DNAAF4: variants seen among roughly 807,000 people sequenced by gnomAD.
The protein encoded by DNAAF4 is dynein assembly factor 4, axonemal.
In DNAAF4, 43 loss-of-function variants were observed where a neutral mutation model predicts 51.8. The observed-to-expected ratio is 0.83, with a 90% CI of 0.65 to 1.07. The LOEUF (loss-of-function observed/expected upper bound fraction) is 1.07, where lower values mean the gene tolerates loss of function less well. Among genes scored for constraint, DNAAF4 ranks in the 50% least tolerant of loss-of-function variants. DNAAF4 has a pLI of 0.00. For synonymous variants in DNAAF4, 194 were observed against 165.6 expected, an observed-to-expected ratio of 1.17 and a Z score of -1.32; for missense variants, 581 against 493.0, an observed-to-expected ratio of 1.18 and a Z score of -1.69.
chr15:55,452,919 G>A (rs756586000), intron 5 of DNAAF4, among the ~76,000 whole-genome samples: 46 of 152,090 alleles, frequency 3.0e-4, no homozygotes, highest in Non-Finnish European at 5.3e-4. Context: ...AGGACCTCCC[G>A]GGTTCAAGCG....
At chr15:55,468,133 C>T (rs978648436) in intron 4 of DNAAF4, among the ~76,000 whole-genome samples, 6 of 152,180 alleles carry the variant, frequency 3.9e-5, no homozygotes, top group South Asian at 2.1e-4. Flanking sequence ...CATTAATGTA[C>T]ATTTAAATTA....
At chr15:55,437,307 A>C (rs1317830425) in intron 7 of DNAAF4, among the ~76,000 whole-genome samples, 1 of 152,190 alleles carries the variant, frequency 6.6e-6, no homozygotes, top group South Asian at 2.1e-4. Context: ...AAAGAGGAGG[A>C]AAGATTATAT....
intron 7 of DNAAF4, among the ~76,000 whole-genome samples, chr15:55,424,514 G>A (rs755882924): frequency 2.6e-5 from 4 of 152,206 alleles, no homozygotes; most frequent in Non-Finnish European, 5.9e-5. Context: ...GCTTGCTAGT[G>A]ATTAAGAGGT....
chr15:55,492,969 C>T (rs771419694), intron 3 of DNAAF4, among the ~76,000 whole-genome samples: 1 of 152,142 alleles, frequency 6.6e-6, no homozygotes, highest in Non-Finnish European at 1.5e-5. Flanking sequence ...TTTGTTGATA[C>T]TACTTGCTAT....
intron 6 of DNAAF4, among the ~76,000 whole-genome samples, chr15:55,445,542 T>C (rs2057785446): frequency 6.6e-6 from 1 of 152,214 alleles, no homozygotes; most frequent in Non-Finnish European, 1.5e-5. Flanking sequence ...CCGTTCTCGA[T>C]GGTCGCTGTC....
At chr15:55,465,359 CTAA>C (rs1358372141) in intron 5 of DNAAF4, among the ~76,000 whole-genome samples, 4 of 148,682 alleles carry the variant, frequency 2.7e-5, no homozygotes, top group Admixed American at 1.4e-4. Context: ...TGCCTATCAA[CTAA>C]TGAGAAGATA....
chr15:55,438,000 A>T (rs1005038664), intron 7 of DNAAF4, among the ~76,000 whole-genome samples: 1 of 152,230 alleles, frequency 6.6e-6, no homozygotes, highest in Admixed American at 6.5e-5. Flanking sequence ...AATAAATAAT[A>T]TCTATAGCCG....
At chr15:55,482,958 A>G (rs1339389045) in intron 4 of DNAAF4, among the ~76,000 whole-genome samples, 1 of 152,238 alleles carries the variant, frequency 6.6e-6, no homozygotes, top group Non-Finnish European at 1.5e-5. Context: ...CATCACATCC[A>G]AAGACCACAC....
chr15:55,453,965 T>A (rs2057978078), intron 5 of DNAAF4, among the ~76,000 whole-genome samples: 1 of 152,176 alleles, frequency 6.6e-6, no homozygotes, highest in Admixed American at 6.5e-5. Flanking sequence ...AAGATAGATC[T>A]GAGGATATTA....
chr15:55,442,642 CT>C, intron 6 of DNAAF4: 2 of 1,534,550 alleles, frequency 1.3e-6, no homozygotes, highest in South Asian at 1.1e-5. Flanking sequence ...TTATGTCAGA[CT>C]TTTAGCAGGA....
At chr15:55,495,991 C>T (rs934562294) in intron 3 of DNAAF4, among the ~76,000 whole-genome samples, 6 of 152,124 alleles carry the variant, frequency 3.9e-5, no homozygotes, top group Non-Finnish European at 8.8e-5. Flanking sequence ...CTTCGGGAGG[C>T]CGAGGTGGGT....
At position 55,467,324 on chromosome 15, in the gene DNAAF4, A is replaced by G. The variant is rs543695326; in HGVS notation, c.406-163T>C. On this transcript the variant is annotated intron_variant, in intron 4 of 9. Coordinates refer to ENST00000321149, the MANE Select transcript of DNAAF4 (RefSeq NM_130810.4). ...TTATGAATTAAAATGGGAAAGGTAA[A>G]TGATTCAGGAGAAAAACCATTGGTG... 2.0e-5 allele frequency among the ~76,000 whole-genome samples: 3 copies of G among 152,246 alleles called. No homozygotes were observed. The East Asian group carries it at 5.8e-4, about 29-fold the overall frequency.
At position 55,498,209 on chromosome 15, in the gene DNAAF4, T is replaced by C. The variant is rs1279589315; in HGVS notation, c.121A>G (p.Lys41Glu). 1 of 1,613,796 alleles carries C rather than the reference T, an allele frequency of 6.2e-7. No homozygotes were observed. Among genetic ancestry groups the C allele is most frequent in the African/African-American group, 1.3e-5 (1 of 74,912 alleles). Residue 41 changes from lysine to glutamate, a missense_variant and splice_region_variant, in exon 2 of 10, where the codon AAG becomes GAG. Physicochemically the swap from Lys to Glu is moderately conservative, Grantham distance 56. Transcript: ENST00000321149. ...GCAGGCAAGACTTGCATTCTTACCT[T>C]CAGATAGTTTTCCGTGCAGAACACG... ...TDVFCTENYL[K>E]VNFPPFLFEA...
At chr15:55,428,000 C>T (rs146350658), downstream of DNAAF4, among the ~76,000 whole-genome samples, 227 of 151,542 alleles carry the variant, frequency 1.5e-3, 1 homozygote, top group African/African-American at 5.1e-3. Context: ...TCACCCAGGC[C>T]GTAGTGCAAT....
intron 4 of DNAAF4, among the ~76,000 whole-genome samples, chr15:55,468,336 T>A (rs937817354): frequency 6.6e-6 from 1 of 152,220 alleles, no homozygotes. Context: ...TCCTGTGAGA[T>A]GCTGACTTTA....
At chr15:55,470,643 A>G (rs937810642) in intron 4 of DNAAF4, among the ~76,000 whole-genome samples, 13 of 151,338 alleles carry the variant, frequency 8.6e-5, no homozygotes, top group Non-Finnish European at 1.5e-4. Context: ...CTGGGCTCCA[A>G]CGATCCTCCA....
intron 6 of DNAAF4, among the ~76,000 whole-genome samples, chr15:55,448,466 C>T (rs1479207567): frequency 6.8e-6 from 1 of 146,302 alleles, no homozygotes; most frequent in African/African-American, 2.6e-5. Flanking sequence ...TCCCACTGTA[C>T]TCCAGCCTGG....
intron 6 of DNAAF4, among the ~76,000 whole-genome samples, chr15:55,441,614 C>T: frequency 6.6e-6 from 1 of 150,910 alleles, no homozygotes. Flanking sequence ...CTTCCTGTGT[C>T]CAAGTGTTCT....
intron 1 of DNAAF4, among the ~76,000 whole-genome samples, chr15:55,503,369 C>A (rs981474826): frequency 6.6e-6 from 1 of 152,150 alleles, no homozygotes; most frequent in Non-Finnish European, 1.5e-5. Context: ...GGTACCATTC[C>A]TTCTGAAACT....
Sources: gnomAD v4.1 joint callset for allele counts (sites outside exome capture counted in the v4.1 genomes callset) on GRCh38, gnomAD v4.1.1 for gene constraint, MANE v1.5 for transcripts, NCBI Gene and HGNC (gene_info 2026-07-23, HGNC 2026-07-21) for gene names.